Variants in SMAD6 observed in about 807,000 individuals in gnomAD.
SMAD6 encodes the protein SMAD family member 6.
Under a neutral mutation model 39.4 loss-of-function variants are expected in SMAD6, and 103 were observed. That is an observed-to-expected ratio of 2.62 (90% CI 2.23 to 3.08). The LOEUF is 3.08. Ranked by LOEUF, SMAD6 falls within the 30% of genes most tolerant of loss-of-function variation. The pLI is 0.00. For missense variants in SMAD6, 1,104 were observed against 742.9 expected (o/e 1.49, Z -5.65); for synonymous variants, 445 against 353.3 (o/e 1.26, Z -2.91).
chr15:66,715,537 A>G (rs1199961841), intron 2 of SMAD6, among the ~76,000 whole-genome samples: 1 of 151,830 alleles, frequency 6.6e-6, no homozygotes, highest in Non-Finnish European at 1.5e-5. Context: ...AGGCCTTCCA[A>G]CTCCTGGACA....
At chr15:66,744,421 G>C (rs1893872338) in intron 3 of SMAD6, among the ~76,000 whole-genome samples, 1 of 152,178 alleles carries the variant, frequency 6.6e-6, no homozygotes, top group African/African-American at 2.4e-5. Flanking sequence ...CAGGACACCT[G>C]GCAAACACCT....
intron 3 of SMAD6, among the ~76,000 whole-genome samples, chr15:66,770,675 G>A (rs779381597): frequency 6.6e-6 from 1 of 152,154 alleles, no homozygotes; most frequent in Non-Finnish European, 1.5e-5. Context: ...ACAGAAACTG[G>A]TTCCTTCTCA....
Position 66,703,825 on chromosome 15 carries a change from C to T in SMAD6, c.567C>T (p.Asp189=). Residue 189 remains aspartate, a synonymous_variant, in exon 1 of 4, where the codon GAC becomes GAT. Transcript: ENST00000288840. ...AGCGGCTCAAGGAGCGCTCGCTGGACACGCTGCTGGAGGCGGTGGAGTCCC... is the reference window on the plus strand; with the variant it reads ...AGCGGCTCAAGGAGCGCTCGCTGGATACGCTGCTGGAGGCGGTGGAGTCCC... ...LLKRLKERSL[D]TLLEAVESRG... 7.0e-7 allele frequency: 1 copy of T among 1,419,794 alleles called. No individual in the cohort carries two copies. Among genetic ancestry groups the T allele is most frequent in the Non-Finnish European group, 9.3e-7 (1 of 1,075,618 alleles). 87.9% of individuals were successfully genotyped at this position (1,419,794 alleles called of 1,614,324 possible). A position where few individuals can be genotyped will look rare whatever the true frequency, so the allele number is the denominator to read the frequency against.
Position 66,703,337 on chromosome 15 carries a change from A to G in SMAD6, c.79A>G (p.Ser27Gly), listed in dbSNP as rs374058045. 2.5e-4 allele frequency: 366 copies of G among 1,484,726 alleles called. No individual in the cohort carries two copies. In the African/African-American group the frequency reaches 4.6e-3, roughly 19 times the overall value. The allele number at this position is 1,484,726 out of a possible 1,614,324, so 92.0% of individuals were successfully genotyped here. Residue 27 changes from serine to glycine, a missense_variant, in exon 1 of 4, where the codon AGC (serine) becomes GGC (glycine). Coordinates refer to ENST00000288840, the MANE Select transcript of SMAD6 (RefSeq NM_005585.5). ...RVVPDREEGG[S>G]GGGGGGDEDG... ...GGTCCCCGACCGGGAGGAAGGCGGC[A>G]GCGGCGGCGGCGGTGGCGGCGACGA...
chr15:66,735,304 T>C (rs902528418), intron 3 of SMAD6, among the ~76,000 whole-genome samples: 1 of 152,224 alleles, frequency 6.6e-6, no homozygotes, highest in Non-Finnish European at 1.5e-5. Context: ...TTGGGAGTTA[T>C]GACTCTTTCC....
At chr15:66,776,680 G>A (rs1894473325) in intron 3 of SMAD6, among the ~76,000 whole-genome samples, 1 of 152,204 alleles carries the variant, frequency 6.6e-6, no homozygotes, top group South Asian at 2.1e-4. Context: ...GACTCCATTA[G>A]TGGTCCCAAC....
rs1298929102 is a variant in SMAD6 at position 66,703,436 on chromosome 15, G to A, written c.178G>A (p.Val60Ile). 2 of 1,287,366 alleles carry A rather than the reference G, an allele frequency of 1.6e-6. No individual in the cohort carries two copies. The highest frequency in any genetic ancestry group is 2.0e-6 in the Non-Finnish European group (2 of 1,014,230). 79.7% of individuals were successfully genotyped at this position (1,287,366 alleles called of 1,614,324 possible). ...GGGCGGAGGCTGCGGCCGCTCCGAA[G>A]TCCGCCCGGTAGCCCCGCGGCGGCC... The part of the protein sequence containing the change: ...REGGGCGRSE[V>I]RPVAPRRPRD... The change falls in exon 1 of 4, where the codon GTC becomes ATC. Residue 60 changes from valine to isoleucine, a missense_variant. Coordinates refer to ENST00000288840, the MANE Select transcript of SMAD6 (RefSeq NM_005585.5).
At position 66,781,310 on chromosome 15, in the gene SMAD6, C is replaced by A. The variant is rs767689161; in HGVS notation, c.1266C>A (p.Gly422=). 2 of 1,601,388 alleles carry A rather than the reference C, an allele frequency of 1.2e-6. No individual in the cohort carries two copies. The highest frequency in any genetic ancestry group is 2.2e-5 in the East Asian group (1 of 44,684). Reference sequence around the variant, plus strand: ...CCCCGACGCTGGACGCGCCCGGCGGCCGCGCCCTGGTCGTGCGCAAGGTGC... The same window carrying A: ...CCCCGACGCTGGACGCGCCCGGCGGACGCGCCCTGGTCGTGCGCAAGGTGC... ...VNSPTLDAPG[G]RALVVRKVPP... Residue 422 remains glycine, a synonymous_variant, in exon 4 of 4, where the codon GGC becomes GGA. Transcript: ENST00000288840.
chr15:66,744,607 A>C (rs964435114), intron 3 of SMAD6, among the ~76,000 whole-genome samples: 1 of 152,242 alleles, frequency 6.6e-6, no homozygotes, highest in South Asian at 2.1e-4. Context: ...TGAACTCCTT[A>C]AAGTAAGGTT....
chr15:66,780,341 G>A (rs73473513), intron 3 of SMAD6, among the ~76,000 whole-genome samples: 1,762 of 152,206 alleles, frequency 0.012, 35 homozygotes, highest in African/African-American at 0.041. Context: ...GCTCCAGGCC[G>A]GAAGGGATCC....
Position 66,716,467 on chromosome 15 carries a change from C to A in SMAD6, c.921C>A (p.Asn307Lys), listed in dbSNP as rs191287350. 28 of 1,613,710 alleles carry A rather than the reference C, an allele frequency of 1.7e-5. 2 individuals are homozygous for A. The Admixed American group carries it at 4.2e-4, about 24-fold the overall frequency. ...CTTACACTGAAACGGAGGCTACCAACTCCCTCATCACTGCTCCGGGTGAAT... is the reference window on the plus strand; with the variant it reads ...CTTACACTGAAACGGAGGCTACCAAATCCCTCATCACTGCTCCGGGTGAAT... ...TLSYTETEAT[N>K]SLITAPGEFS... Residue 307 changes from asparagine (N) to lysine (K), a missense_variant, in exon 3 of 4, where the codon AAC (asparagine) becomes AAA (lysine). Coordinates refer to ENST00000288840, the MANE Select transcript of SMAD6 (RefSeq NM_005585.5).
chr15:66,759,349 AG>A (rs1894159188), intron 3 of SMAD6, among the ~76,000 whole-genome samples: 1 of 152,166 alleles, frequency 6.6e-6, no homozygotes, highest in South Asian at 2.1e-4. Context: ...AGAGAGAGAG[AG>A]AGAGAGAGAA....
In SMAD6 at chr15:66,703,796, C is replaced by T. The variant is rs1484355495; in HGVS notation, c.538C>T (p.Leu180=). The T allele has an allele frequency of 2.1e-6, 3 of 1,441,790 alleles. No homozygotes were observed. Among genetic ancestry groups the T allele is most frequent in the Admixed American group, 2.2e-5 (1 of 45,922 alleles). 89.3% of individuals were successfully genotyped at this position (1,441,790 alleles called of 1,614,324 possible). A position where few individuals can be genotyped will look rare whatever the true frequency, so the allele number is the denominator to read the frequency against. The part of the protein sequence containing the change: ...QELKTVTYSL[L]KRLKERSLDT... ...ACTCAAAACCGTCACGTACTCGCTG[C>T]TGAAGCGGCTCAAGGAGCGCTCGCT... Residue 180 remains leucine, a synonymous_variant, in exon 1 of 4, where the codon CTG becomes TTG. Transcript: ENST00000288840.
intron 3 of SMAD6, among the ~76,000 whole-genome samples, chr15:66,750,547 G>T (rs1893985133): frequency 6.6e-6 from 1 of 152,184 alleles, no homozygotes; most frequent in Non-Finnish European, 1.5e-5. Flanking sequence ...CTTGGCTATG[G>T]TATGATTTAT....
chr15:66,711,307 T>G (rs1031379620), intron 1 of SMAD6, among the ~76,000 whole-genome samples: 3 of 152,202 alleles, frequency 2.0e-5, no homozygotes, highest in African/African-American at 7.2e-5. Flanking sequence ...ATGGAGGTGT[T>G]TTTGGACAGG....
At chr15:66,717,093 C>T in intron 3 of SMAD6, 1 of 1,288,934 alleles carries the variant, frequency 7.8e-7, no homozygotes, top group Non-Finnish European at 1.0e-6. Flanking sequence ...ATAGGGACCC[C>T]TACATCCGGA....
chr15:66,715,131 C>T (rs757760960), intron 2 of SMAD6, among the ~76,000 whole-genome samples: 3 of 151,086 alleles, frequency 2.0e-5, no homozygotes, highest in Non-Finnish European at 4.4e-5. Context: ...TAAATAGTCC[C>T]GCGTTATTTT....
Position 66,747,125 on chromosome 15 carries a change from C to A in SMAD6, c.952+30627C>A, listed in dbSNP as rs1056030463. ...AAATAATCCAACTAATCTAATTGATCCAGTTGATCTTCCCTGAGAGGATCC... is the reference window on the plus strand; with the variant it reads ...AAATAATCCAACTAATCTAATTGATACAGTTGATCTTCCCTGAGAGGATCC... On this transcript the variant is annotated intron_variant, in intron 3 of 3. Transcript: ENST00000288840. This position sits in a 1 kb window ranked among gnomAD's most constrained non-coding sequence, Gnocchi z 4.5. Among the ~76,000 whole-genome samples the A allele has an allele frequency of 1.3e-5, 2 of 152,216 alleles. No individual in the cohort carries two copies. The highest frequency in any genetic ancestry group is 4.8e-5 in the African/African-American group (2 of 41,452).
chr15:66,756,209 G>A (rs796470628), intron 3 of SMAD6, among the ~76,000 whole-genome samples: 9 of 152,204 alleles, frequency 5.9e-5, no homozygotes, highest in South Asian at 2.1e-4. Flanking sequence ...TAGGAGTGGG[G>A]GGTGCCTGGG....
Sources: allele counts gnomAD v4.1 joint callset (sites outside exome capture counted in the v4.1 genomes callset), GRCh38; gene constraint gnomAD v4.1.1; non-coding constraint Gnocchi (gnomAD v3.1); transcripts MANE v1.5; gene names NCBI Gene and HGNC (gene_info 2026-07-23, HGNC 2026-07-21).